The following CSMD1 variants were observed in gnomAD, a reference collection of about 807,000 sequenced individuals.
CSMD1 encodes the protein CUB and Sushi multiple domains 1.
In CSMD1, 213 loss-of-function variants were observed where a neutral mutation model predicts 417.5. The observed-to-expected ratio is 0.51, with a 90% CI of 0.46 to 0.57. The LOEUF (loss-of-function observed/expected upper bound fraction) is 0.57, where lower values mean the gene tolerates loss of function less well. CSMD1 is among the 20% of genes least tolerant of loss of function. The pLI is 0.00. For missense variants in CSMD1, 6,923 were observed against 4,529.7 expected (o/e 1.53, Z -15.17); for synonymous variants, 2,862 against 1,736.8 (o/e 1.65, Z -16.11).
intron 7 of CSMD1, among the ~76,000 whole-genome samples, chr8:3,707,806 C>T (rs753375488): frequency 5.3e-5 from 8 of 152,176 alleles, no homozygotes; most frequent in Admixed American, 1.3e-4. Flanking sequence ...CTTCCTATGG[C>T]TGAGTGATGA....
intron 50 of CSMD1, among the ~76,000 whole-genome samples, chr8:3,040,685 C>T (rs966786306): frequency 1.3e-5 from 2 of 151,884 alleles, no homozygotes; most frequent in African/African-American, 4.8e-5. Flanking sequence ...TGCCTGTAAT[C>T]CCAGCCACTC....
chr8:4,334,460 C>A (rs770650299), intron 3 of CSMD1, among the ~76,000 whole-genome samples: 1 of 152,152 alleles, frequency 6.6e-6, no homozygotes, highest in African/African-American at 2.4e-5. Context: ...CAACATCAAA[C>A]TCCTGAGTGT....
intron 2 of CSMD1, among the ~76,000 whole-genome samples, chr8:4,440,374 G>C (rs959088871): frequency 1.3e-5 from 2 of 152,224 alleles, no homozygotes; most frequent in Admixed American, 1.3e-4. Context: ...ATTATACAAT[G>C]AATAAGGAGT....
At chr8:4,342,884 G>A (rs1275629528) in intron 3 of CSMD1, among the ~76,000 whole-genome samples, 1 of 152,012 alleles carries the variant, frequency 6.6e-6, no homozygotes, top group African/African-American at 2.4e-5. Flanking sequence ...TGACATATCA[G>A]GAGAAGCAAA....
chr8:4,949,976 G>C (rs979490378), intron 1 of CSMD1, among the ~76,000 whole-genome samples: 4 of 152,216 alleles, frequency 2.6e-5, no homozygotes, highest in Non-Finnish European at 5.9e-5. Flanking sequence ...TAATGCAAAT[G>C]TTTTTTATCT....
At chr8:3,349,391 T>G (rs1458593599) in intron 21 of CSMD1, among the ~76,000 whole-genome samples, 2 of 152,146 alleles carry the variant, frequency 1.3e-5, no homozygotes, top group East Asian at 3.9e-4. Flanking sequence ...TGCCCCCCAG[T>G]GATTTGTGCA....
Position 3,729,922 on chromosome 8 carries a change from T to TAAAAA in CSMD1, c.932-21436_932-21432dup, listed in dbSNP as rs1160679199. The stretch of plus-strand genomic sequence containing the variant: ...AGAATTATTATTTGCCAATTCAAAG[T>TAAAAA]AAAAAAAAAAAAAAAAAAAAAAAAA... On this transcript the variant is annotated intron_variant, in intron 6 of 69. Coordinates refer to ENST00000635120, the MANE Select transcript of CSMD1 (RefSeq NM_033225.6). Among the ~76,000 whole-genome samples the TAAAAA allele has an allele frequency of 5.1e-4, 24 of 47,064 alleles. 2 individuals are homozygous for TAAAAA. The highest frequency in any genetic ancestry group is 2.7e-3 in the African/African-American group (20 of 7,318). 30.9% of individuals were successfully genotyped at this position (47,064 alleles called of 152,430 possible). A position where few individuals can be genotyped will look rare whatever the true frequency, so the allele number is the denominator to read the frequency against.
At position 3,611,143 on chromosome 8, in the gene CSMD1, T is replaced by G. The variant is rs367904675; in HGVS notation, c.1097+5567A>C. On this transcript the variant is annotated intron_variant, in intron 8 of 69. Transcript: ENST00000635120. ...ATATACCTAATGCTAAATGACGAGT[T>G]AATGGCTGCAGCACACCAGCATGGC... Among the ~76,000 whole-genome samples, 7 of 149,852 alleles carry G rather than the reference T, an allele frequency of 4.7e-5. No homozygotes were observed. In the East Asian group the frequency reaches 7.9e-4, roughly 17 times the overall value.
At chr8:4,307,735 C>G (rs1033773835) in intron 3 of CSMD1, among the ~76,000 whole-genome samples, 1 of 152,122 alleles carries the variant, frequency 6.6e-6, no homozygotes, top group African/African-American at 2.4e-5. Flanking sequence ...GAATGAATAC[C>G]TACATGGGCA....
chr8:3,321,331 T>A (rs1017726168), intron 23 of CSMD1, among the ~76,000 whole-genome samples: 4 of 152,130 alleles, frequency 2.6e-5, no homozygotes, highest in African/African-American at 4.8e-5. Flanking sequence ...GGGCTCATGA[T>A]GCTTTGTGCC....
intron 4 of CSMD1, among the ~76,000 whole-genome samples, chr8:4,011,291 A>T (rs992767636): frequency 5.9e-5 from 9 of 152,184 alleles, no homozygotes; most frequent in Admixed American, 5.9e-4. Context: ...TTGTGTTTTT[A>T]GTGGAGAATT....
chr8:4,028,539 G>A (rs992509839), intron 4 of CSMD1, among the ~76,000 whole-genome samples: 1 of 152,046 alleles, frequency 6.6e-6, no homozygotes, highest in African/African-American at 2.4e-5. Flanking sequence ...GCAATAACTA[G>A]CGAAGGATAA....
intron 42 of CSMD1, among the ~76,000 whole-genome samples, chr8:3,115,206 C>CTT (rs1347524358): frequency 1.2e-5 from 1 of 80,782 alleles, no homozygotes; most frequent in Non-Finnish European, 2.4e-5. Flanking sequence ...CCCCCCCCCC[C>CTT]TTTTTTTTTT....
intron 1 of CSMD1, among the ~76,000 whole-genome samples, chr8:4,718,809 T>G (rs891797553): frequency 6.6e-6 from 1 of 151,926 alleles, no homozygotes; most frequent in East Asian, 1.9e-4. Flanking sequence ...GAAATTAACA[T>G]GAAATATTCA....
intron 1 of CSMD1, among the ~76,000 whole-genome samples, chr8:4,666,812 T>G (rs1025048600): frequency 6.6e-6 from 1 of 152,216 alleles, no homozygotes; most frequent in Non-Finnish European, 1.5e-5. Flanking sequence ...CTTTTCATTT[T>G]CTTAACGGTG....
chr8:3,398,761 A>C (rs1309985333), intron 16 of CSMD1, among the ~76,000 whole-genome samples: 2 of 152,234 alleles, frequency 1.3e-5, no homozygotes, highest in African/African-American at 2.4e-5. Flanking sequence ...TGTTGAGAGA[A>C]ATGGGAAAAC....
intron 41 of CSMD1, among the ~76,000 whole-genome samples, chr8:3,132,076 C>A (rs905910657): frequency 6.6e-6 from 1 of 152,126 alleles, no homozygotes; most frequent in Non-Finnish European, 1.5e-5. Context: ...AGGGTTCACA[C>A]GTGGCCTCCA....
At chr8:3,463,939 T>C (rs1445796907) in intron 12 of CSMD1, among the ~76,000 whole-genome samples, 1 of 152,120 alleles carries the variant, frequency 6.6e-6, no homozygotes, top group Non-Finnish European at 1.5e-5. Flanking sequence ...CTACACAAAT[T>C]TCCATTCTCT....
chr8:3,389,303 G>C (rs1186451943), intron 17 of CSMD1, among the ~76,000 whole-genome samples: 1 of 151,972 alleles, frequency 6.6e-6, no homozygotes. Flanking sequence ...AGTGTGTGTT[G>C]TTCCCTCTAT....
Sources: gnomAD v4.1 joint callset for allele counts (sites outside exome capture counted in the v4.1 genomes callset) on GRCh38, gnomAD v4.1.1 for gene constraint, MANE v1.5 for transcripts, NCBI Gene and HGNC (gene_info 2026-07-23, HGNC 2026-07-21) for gene names.